HTR1E: variants seen among roughly 807,000 people sequenced by gnomAD.
HTR1E encodes the protein 5-hydroxytryptamine receptor 1E.
In HTR1E, 3 loss-of-function variants were observed where a neutral mutation model predicts 3.4. The ratio of observed to expected loss-of-function variants is 0.89; its 90% confidence interval spans 0.41 to 2.31. HTR1E has a LOEUF of 2.31. Ranked by LOEUF, HTR1E falls within the 30% of genes most tolerant of loss-of-function variation. The pLI, the probability that HTR1E is intolerant of heterozygous loss-of-function variation, is 0.05. For synonymous variants in HTR1E, 170 were observed against 182.8 expected, an observed-to-expected ratio of 0.93 and a Z score of 0.56; for missense variants, 392 against 467.0, an observed-to-expected ratio of 0.84 and a Z score of 1.48.
intron 1 of HTR1E, among the ~76,000 whole-genome samples, chr6:86,988,484 C>T (rs915258835): frequency 2.0e-5 from 3 of 152,086 alleles, no homozygotes; most frequent in African/African-American, 7.2e-5. Flanking sequence ...GCCCGAATTC[C>T]CACAGAATGA....
intron 1 of HTR1E, among the ~76,000 whole-genome samples, chr6:87,002,443 G>A (rs1347436461): frequency 6.6e-6 from 1 of 152,246 alleles, no homozygotes; most frequent in Non-Finnish European, 1.5e-5. Flanking sequence ...GCTGGCTCGG[G>A]TGGCCAGCTT....
rs568631904 is a variant in HTR1E, at chr6:86,989,555, G to A, written c.-185-25595G>A. ...AAAATAATAGACAACATTGTCACCTGAGGATACATTATTGGTCCTTGTTGA... is the reference window on the plus strand; with the variant it reads ...AAAATAATAGACAACATTGTCACCTAAGGATACATTATTGGTCCTTGTTGA... On this transcript the variant is annotated intron_variant, in intron 1 of 1. Coordinates refer to ENST00000305344, the MANE Select transcript of HTR1E (RefSeq NM_000865.3). 3.9e-5 allele frequency among the ~76,000 whole-genome samples: 6 copies of A among 152,266 alleles called. No homozygotes were observed. The South Asian group carries it at 1.2e-3, about 32-fold the overall frequency.
In HTR1E at chr6:87,016,487, G is replaced by C. The variant is rs911462016; in HGVS notation, c.*55G>C. ...TCCAGAGCCTCATGAGTGGATGGGG[G>C]TAAGGGGTGCAACTTATTAATTCTT... On this transcript the variant is annotated 3_prime_UTR_variant, in exon 2 of 2. Transcript: ENST00000305344. 6.9e-7 allele frequency: 1 copy of C among 1,446,092 alleles called. No homozygotes were observed. The highest frequency in any genetic ancestry group is 1.4e-5 in the South Asian group (1 of 72,882). The allele number at this position is 1,446,092 out of a possible 1,614,324, so 89.6% of individuals were successfully genotyped here.
At chr6:86,944,296 A>G (rs955194718) in intron 1 of HTR1E, among the ~76,000 whole-genome samples, 7 of 152,226 alleles carry the variant, frequency 4.6e-5, no homozygotes, top group Admixed American at 1.3e-4. Flanking sequence ...GGGATTACAC[A>G]GTGGGAGGAA....
intron 1 of HTR1E, among the ~76,000 whole-genome samples, chr6:86,965,980 C>T (rs1163747812): frequency 2.6e-5 from 4 of 151,426 alleles, no homozygotes; most frequent in South Asian, 4.2e-4. Flanking sequence ...CCAAACACCA[C>T]CTGTTCCCCA....
At chr6:86,959,107 G>C (rs1462334009) in intron 1 of HTR1E, among the ~76,000 whole-genome samples, 2 of 152,112 alleles carry the variant, frequency 1.3e-5, no homozygotes, top group Non-Finnish European at 2.9e-5. Context: ...TGCAACTCAA[G>C]TCTGAAGACG....
chr6:86,993,397 T>G (rs1767896145), intron 1 of HTR1E, among the ~76,000 whole-genome samples: 1 of 152,098 alleles, frequency 6.6e-6, no homozygotes, highest in Non-Finnish European at 1.5e-5. Flanking sequence ...GAAAACTAAA[T>G]GCCTTCAGCA....
At chr6:86,987,651 G>A (rs1767809043) in intron 1 of HTR1E, among the ~76,000 whole-genome samples, 1 of 152,114 alleles carries the variant, frequency 6.6e-6, no homozygotes, top group Non-Finnish European at 1.5e-5. Context: ...ATTTTGTGCT[G>A]CTACAACAAA....
chr6:86,965,251 C>A (rs1042659783), intron 1 of HTR1E, among the ~76,000 whole-genome samples: 1 of 152,128 alleles, frequency 6.6e-6, no homozygotes, highest in African/African-American at 2.4e-5. Context: ...AGAGTCTCAC[C>A]GTCTCTGCAG....
At position 86,975,896 on chromosome 6, in the gene HTR1E, T is replaced by TTC. The variant is rs146571369; in HGVS notation, c.-186+38091_-186+38092dup. ...TTTTATTAAATCTCACCTTCTCTCT[T>TTC]TCTCTCTCTCTCTCTCTCTGAGACA... On this transcript the variant is annotated intron_variant, in intron 1 of 1. Transcript: ENST00000305344. Among the ~76,000 whole-genome samples the TTC allele has an allele frequency of 4.8e-4, 63 of 130,342 alleles. 1 individual carries two copies. The East Asian group carries it at 7.9e-3, about 16-fold the overall frequency. The allele number at this position is 130,342 out of a possible 152,430, so 85.5% of individuals were successfully genotyped here. A position where few individuals can be genotyped will look rare whatever the true frequency, so the allele number is the denominator to read the frequency against.
chr6:87,003,559 G>T (rs1394412781), intron 1 of HTR1E, among the ~76,000 whole-genome samples: 2 of 149,850 alleles, frequency 1.3e-5, no homozygotes, highest in African/African-American at 2.4e-5. Flanking sequence ...AAAGAAAAAA[G>T]AAAGAAATTG....
rs1768301378 is a variant in HTR1E at position 87,015,270 on chromosome 6, A to G, written c.-65A>G. ...ACAAGTGAGAAACCTTCGAGGCTAC[A>G]TAGTTTTCAGCCAAAGGAAAATAAC... On this transcript the variant is annotated 5_prime_UTR_variant, in exon 2 of 2. Coordinates refer to ENST00000305344, the MANE Select transcript of HTR1E (RefSeq NM_000865.3). 2.1e-6 allele frequency: 3 copies of G among 1,419,376 alleles called. No individual in the cohort carries two copies. The highest frequency in any genetic ancestry group is 1.7e-5 in the South Asian group (1 of 59,050). The allele number at this position is 1,419,376 out of a possible 1,614,324, so 87.9% of individuals were successfully genotyped here.
chr6:87,007,878 G>A (rs118049447), intron 1 of HTR1E, among the ~76,000 whole-genome samples: 4,579 of 152,068 alleles, frequency 0.03, 103 homozygotes, highest in Non-Finnish European at 0.051. Flanking sequence ...AGGTTGCAGT[G>A]AGCCAAGATC....
chr6:86,998,978 C>G (rs543466460), intron 1 of HTR1E, among the ~76,000 whole-genome samples: 3 of 152,048 alleles, frequency 2.0e-5, no homozygotes, highest in African/African-American at 7.2e-5. Context: ...TGTTTATTTT[C>G]AAACAGAGTC....
chr6:86,999,327 A>C (rs1386959997), intron 1 of HTR1E, among the ~76,000 whole-genome samples: 1 of 152,188 alleles, frequency 6.6e-6, no homozygotes, highest in South Asian at 2.1e-4. Context: ...TAAACTATAC[A>C]GATATCCTCT....
intron 1 of HTR1E, among the ~76,000 whole-genome samples, chr6:86,994,108 C>T (rs1767905489): frequency 6.6e-6 from 1 of 151,888 alleles, no homozygotes; most frequent in Admixed American, 6.6e-5. Flanking sequence ...ATAAAATAAA[C>T]AGAAGAAAAT....
intron 1 of HTR1E, among the ~76,000 whole-genome samples, chr6:87,002,160 G>T (rs1300969779): frequency 2.6e-5 from 4 of 152,252 alleles, no homozygotes; most frequent in African/African-American, 4.8e-5. Context: ...CTTCAGGAAT[G>T]AAGCCATGGA....
rs532512354 is a variant in HTR1E at position 87,014,826 on chromosome 6, G to A, written c.-185-324G>A. 7.8e-3 allele frequency among the ~76,000 whole-genome samples: 1,193 copies of A among 152,258 alleles called. 16 individuals carry two copies. The highest frequency in any genetic ancestry group is 0.027 in the African/African-American group (1,130 of 41,534). Reference sequence around the variant, plus strand: ...TTGGGGGGTGGAGGGCTAGGGGAGGGATGGCATTAGGAGAAGTACCTAATG... The same window carrying A: ...TTGGGGGGTGGAGGGCTAGGGGAGGAATGGCATTAGGAGAAGTACCTAATG... On this transcript the variant is annotated intron_variant, in intron 1 of 1. Transcript: ENST00000305344.
chr6:86,992,783 A>G (rs1767889352), intron 1 of HTR1E, among the ~76,000 whole-genome samples: 1 of 152,222 alleles, frequency 6.6e-6, no homozygotes, highest in African/African-American at 2.4e-5. Flanking sequence ...TTCAAATTGT[A>G]AAACCAAGCT....
Sources: allele counts gnomAD v4.1 joint callset (sites outside exome capture counted in the v4.1 genomes callset), GRCh38; gene constraint gnomAD v4.1.1; transcripts MANE v1.5; gene names NCBI Gene and HGNC (gene_info 2026-07-23, HGNC 2026-07-21).